SRRM2: variants seen among roughly 807,000 people sequenced by gnomAD.
SRRM2 encodes serine/arginine repetitive matrix 2.
Under a neutral mutation model 213.8 loss-of-function variants are expected in SRRM2, and 30 were observed. The ratio of observed to expected loss-of-function variants is 0.14; its 90% CI spans 0.10 to 0.19. SRRM2 has a LOEUF of 0.19. Among genes scored for constraint, SRRM2 ranks in the 10% least tolerant of loss-of-function variants. SRRM2 has a pLI of 1.00. For synonymous variants in SRRM2, 2,025 were observed against 1,377.7 expected, an observed-to-expected ratio of 1.47 and a Z score of -10.40; for missense variants, 4,904 against 3,647.0, an observed-to-expected ratio of 1.34 and a Z score of -8.88.
At position 2,764,615 on chromosome 16, in the gene SRRM2, C is replaced by G. The variant is rs2068475597; in HGVS notation, c.4087C>G (p.Leu1363Val). The G allele has an allele frequency of 6.2e-7, 1 of 1,614,076 alleles. No homozygotes were observed. Among genetic ancestry groups the G allele is most frequent in the African/African-American group, 1.3e-5 (1 of 74,932 alleles). The stretch of plus-strand genomic sequence containing the variant: ...TTTGAATGGACCGTTTCTTAATCAG[C>G]TGGAAACAGATCCATCTCTAGACAT... ...EDLNGPFLNQ[L>V]ETDPSLDMKE... The change falls in exon 11 of 15, where the codon CTG (leucine) becomes GTG (valine). Residue 1363 changes from leucine (L) to valine (V), a missense_variant. Physicochemically the swap from Leu to Val is conservative, Grantham distance 32. Transcript: ENST00000301740.
chr16:2,757,006 C>A (rs534004874), intron 2 of SRRM2, among the ~76,000 whole-genome samples: 1 of 152,030 alleles, frequency 6.6e-6, no homozygotes, highest in South Asian at 2.1e-4. Flanking sequence ...GTAGCATAGG[C>A]AGGAAAAGAG....
Position 2,762,106 on chromosome 16 carries a change from A to C in SRRM2, c.1578A>C (p.Arg526Ser), listed in dbSNP as rs202014148. 1 of 1,614,190 alleles carries C rather than the reference A, an allele frequency of 6.2e-7. No individual in the cohort carries two copies. Among genetic ancestry groups the C allele is most frequent in the East Asian group, 2.2e-5 (1 of 44,890 alleles). Reference protein sequence around the residue: ...SRSAQRWGRSRSPQRRGRSRS... With the variant: ...SRSAQRWGRSSSPQRRGRSRS... ...CTGCACAGAGGTGGGGAAGATCTAG[A>C]AGCCCCCAGCGACGTGGCCGCTCTA... Residue 526 changes from arginine to serine, a missense_variant, in exon 11 of 15, where the codon AGA becomes AGC. Physicochemically the swap from Arg to Ser is moderately radical, Grantham distance 110 (BLOSUM62 -1). Coordinates refer to ENST00000301740, the MANE Select transcript of SRRM2 (RefSeq NM_016333.4).
intron 7 of SRRM2, 53 bp downstream of exon 7, chr16:2,759,225 T>A: frequency 6.2e-7 from 1 of 1,606,344 alleles, no homozygotes; most frequent in Admixed American, 1.7e-5. Context: ...GTGGTGATTT[T>A]TTTTTCTTGG....
At position 2,758,464 on chromosome 16, in the gene SRRM2, C is replaced by G. The variant is rs1174620174; in HGVS notation, c.516-6C>G. The G allele has an allele frequency of 6.2e-7, 1 of 1,613,150 alleles. No homozygotes were observed. Among genetic ancestry groups the G allele is most frequent in the Admixed American group, 1.7e-5 (1 of 60,020 alleles). On this transcript the variant is annotated splice_region_variant and splice_polypyrimidine_tract_variant and intron_variant, in intron 4 of 14. Transcript: ENST00000301740. ...CCCATCTCTGCTGCTTTTCATTTTT[C>G]CCTAGCCTTGTTCGGGAGTCTAGCA...
chr16:2,769,319 G>C, intron 12 of SRRM2, 35 bp downstream of exon 12: 2 of 1,530,412 alleles, frequency 1.3e-6, no homozygotes, highest in South Asian at 2.6e-5. Context: ...AAAGGTGGGT[G>C]GGGGAGTGAC....
chr16:2,755,877 T>A (rs1337073889), intron 1 of SRRM2, among the ~76,000 whole-genome samples: 1 of 152,132 alleles, frequency 6.6e-6, no homozygotes, highest in Admixed American at 6.5e-5. Flanking sequence ...GTGCCACAGA[T>A]CTGTGTCTGG....
chr16:2,759,215 G>A (rs774609095), intron 7 of SRRM2, 43 bp downstream of exon 7: 1 of 1,608,180 alleles, frequency 6.2e-7, no homozygotes, highest in South Asian at 1.1e-5. Flanking sequence ...GGCATGTGGA[G>A]TGGTGATTTT....
chr16:2,770,381 C>T lies in SRRM2; in HGVS notation c.8051C>T (p.Ser2684Phe), dbSNP rs372356347. 1.4e-5 allele frequency: 23 copies of T among 1,607,812 alleles called. No individual in the cohort carries two copies. The African/African-American group carries it at 1.7e-4, about 12-fold the overall frequency. ...RSRSPRKPID[S>F]LRDSRSLSYS... ...CGCAGCCCCCGGAAGCCAATAGACT[C>T]CCTCAGGGACTCTCGGTCCCTCAGC... Residue 2684 changes from serine (S) to phenylalanine (F), a missense_variant, in exon 13 of 15, where the codon TCC becomes TTC. Ser to Phe is a radical substitution (Grantham distance 155). Transcript: ENST00000301740.
At chr16:2,758,053 G>A in intron 4 of SRRM2, 108 bp downstream of exon 4, 1 of 1,407,930 alleles carries the variant, frequency 7.1e-7, no homozygotes, top group Non-Finnish European at 9.6e-7. Flanking sequence ...TTCAGATTTT[G>A]TTCTTCTGAA....
At chr16:2,755,201 C>G (rs752769343) in intron 1 of SRRM2, among the ~76,000 whole-genome samples, 2 of 152,160 alleles carry the variant, frequency 1.3e-5, no homozygotes, top group Admixed American at 1.3e-4. Flanking sequence ...AGGAATCTAA[C>G]CAGGAAAGCT....
chr16:2,756,040 G>A (rs2068128739), intron 1 of SRRM2, among the ~76,000 whole-genome samples: 1 of 152,142 alleles, frequency 6.6e-6, no homozygotes, highest in Non-Finnish European at 1.5e-5. Flanking sequence ...GTTTGCCTAG[G>A]GTGGAAAAAG....
Position 2,759,191 on chromosome 16 carries a change from A to C in SRRM2, c.689+19A>C, listed in dbSNP as rs749886915. 8 of 1,613,790 alleles carry C rather than the reference A, an allele frequency of 5.0e-6. No individual in the cohort carries two copies. The highest frequency in any genetic ancestry group is 1.1e-5 in the South Asian group (1 of 91,044). ...AGCATAGGTAAGAGCTCTTTAACTC[A>C]TAGGGGGCGCAGTGGCATGTGGAGT... On this transcript the variant is annotated intron_variant, in intron 7 of 14. Coordinates refer to ENST00000301740, the MANE Select transcript of SRRM2 (RefSeq NM_016333.4).
At position 2,763,773 on chromosome 16, in the gene SRRM2, A is replaced by G. The variant is rs751296084; in HGVS notation, c.3245A>G (p.Glu1082Gly). Reference protein sequence around the residue: ...SSPEVRQSHSESPSLQSKSQT... With the variant: ...SSPEVRQSHSGSPSLQSKSQT... ...CCAGAAGTGAGACAGAGTCATTCAGAATCACCATCTCTGCAGAGCAAATCT... is the reference window on the plus strand; with the variant it reads ...CCAGAAGTGAGACAGAGTCATTCAGGATCACCATCTCTGCAGAGCAAATCT... Residue 1082 changes from glutamate to glycine, a missense_variant, in exon 11 of 15, where the codon GAA (glutamate) becomes GGA (glycine). By Grantham distance (98) the Glu-to-Gly change is moderately conservative (BLOSUM62 -2). Coordinates refer to ENST00000301740, the MANE Select transcript of SRRM2 (RefSeq NM_016333.4). The G allele has an allele frequency of 2.5e-6, 4 of 1,614,208 alleles. No homozygotes were observed. The highest frequency in any genetic ancestry group is 3.4e-6 in the Non-Finnish European group (4 of 1,180,048).
rs774648199 is a variant in SRRM2, at chr16:2,756,404, G to T, written c.40G>T (p.Gly14Cys). 1 of 1,609,046 alleles carries T rather than the reference G, an allele frequency of 6.2e-7. No individual in the cohort carries two copies. The highest frequency in any genetic ancestry group is 8.5e-7 in the Non-Finnish European group (1 of 1,178,196). Residue 14 changes from glycine to cysteine, a missense_variant, in exon 2 of 15, where the codon GGC becomes TGC. Coordinates refer to ENST00000301740, the MANE Select transcript of SRRM2 (RefSeq NM_016333.4). ...GIGLPTPRGS[G>C]TNGYVQRNLS... ...CGGGCTGCCGACGCCCCGGGGCAGC[G>T]GCACCAACGGCTACGTCCAGCGCAA... is the stretch of plus-strand genomic sequence containing the variant.
At chr16:2,753,040 C>CG (rs2067988736) in intron 1 of SRRM2, among the ~76,000 whole-genome samples, 194 bp downstream of exon 1, 1 of 150,562 alleles carries the variant, frequency 6.6e-6, no homozygotes, top group Non-Finnish European at 1.5e-5. Context: ...GGCTTCACCC[C>CG]CCCCCGCCCC....
chr16:2,768,186 C>CTAG lies in SRRM2; in HGVS notation c.7658_7659insTAG (p.Ser2556dup). The CTAG allele has an allele frequency of 1.2e-6, 2 of 1,610,990 alleles. No homozygotes were observed. The highest frequency in any genetic ancestry group is 1.7e-6 in the Non-Finnish European group (2 of 1,178,234). ...TCTTCATCATCGTCGTCGTCGTCCTCCTCCTCCTCTGGCTCCAGTTCTAGT... is the reference window on the plus strand; with the variant it reads ...TCTTCATCATCGTCGTCGTCGTCCTCTAGCTCCTCCTCTGGCTCCAGTTCTAGT... On this transcript the variant is annotated inframe_insertion, in exon 11 of 15. Coordinates refer to ENST00000301740, the MANE Select transcript of SRRM2 (RefSeq NM_016333.4).
In SRRM2 at chr16:2,762,147, CAGG is replaced by C; in HGVS notation, c.1620_1622del (p.Gly541del). ...GGCCGCTCTAGGTCTCCTCAGCGAC[CAGG>C]CTGGTCTAGGAGCAGAAATACCCAG... On this transcript the variant is annotated inframe_deletion, in exon 11 of 15. Coordinates refer to ENST00000301740, the MANE Select transcript of SRRM2 (RefSeq NM_016333.4). 1 of 1,614,202 alleles carries C rather than the reference CAGG, an allele frequency of 6.2e-7. No individual in the cohort carries two copies. The highest frequency in any genetic ancestry group is 8.5e-7 in the Non-Finnish European group (1 of 1,180,036).
chr16:2,764,330 T>C lies in SRRM2; in HGVS notation c.3802T>C (p.Phe1268Leu). The C allele has an allele frequency of 6.2e-7, 1 of 1,614,210 alleles. No homozygotes were observed. Among genetic ancestry groups the C allele is most frequent in the Non-Finnish European group, 8.5e-7 (1 of 1,180,042 alleles). Residue 1268 changes from phenylalanine (F) to leucine (L), a missense_variant, in exon 11 of 15, where the codon TTT becomes CTT. Transcript: ENST00000301740. ...SELKEMSTSNFESSPEVEERP... is the reference protein window; with the variant it reads ...SELKEMSTSNLESSPEVEERP... ...ACTTAAAGAAATGTCCACAAGTAACTTTGAATCATCTCCTGAAGTAGAAGA... is the reference window on the plus strand; with the variant it reads ...ACTTAAAGAAATGTCCACAAGTAACCTTGAATCATCTCCTGAAGTAGAAGA...
Position 2,762,249 on chromosome 16 carries a change from G to A in SRRM2, c.1721G>A (p.Arg574His), listed in dbSNP as rs758318953. 2.4e-5 allele frequency: 38 copies of A among 1,613,922 alleles called. No individual in the cohort carries two copies. Among genetic ancestry groups the A allele is most frequent in the Non-Finnish European group, 3.1e-5 (36 of 1,179,990 alleles). The change falls in exon 11 of 15, where the codon CGT (arginine) becomes CAT (histidine). Residue 574 changes from arginine to histidine, a missense_variant. By Grantham distance (29) the Arg-to-His change is conservative. Transcript: ENST00000301740. ...SRSPATRGRSRSRTPARRGRS... is the reference protein window; with the variant it reads ...SRSPATRGRSHSRTPARRGRS... The stretch of plus-strand genomic sequence containing the variant: ...TCCCCAGCCACTAGGGGTAGATCTC[G>A]TTCTAGAACACCAGCCCGCCGGGGC...
Sources: gnomAD v4.1 joint callset for allele counts (sites outside exome capture counted in the v4.1 genomes callset) on GRCh38, gnomAD v4.1.1 for gene constraint, MANE v1.5 for transcripts, NCBI Gene and HGNC (gene_info 2026-07-23, HGNC 2026-07-21) for gene names.